STX8: variants seen among roughly 807,000 people sequenced by gnomAD.
The protein encoded by STX8 is syntaxin-8.
In STX8, 23 loss-of-function variants were observed where a neutral mutation model predicts 37.5. The observed-to-expected ratio is 0.61, with a 90% confidence interval of 0.44 to 0.87. The LOEUF (loss-of-function observed/expected upper bound fraction) is 0.87, where lower values mean the gene tolerates loss of function less well. Among genes scored for constraint, STX8 ranks in the 40% least tolerant of loss-of-function variants. The pLI, the probability that STX8 is intolerant of heterozygous loss-of-function variation, is 0.00. For synonymous variants in STX8, 115 were observed against 99.1 expected, an observed-to-expected ratio of 1.16 and a Z score of -0.95; for missense variants, 313 against 284.7, an observed-to-expected ratio of 1.10 and a Z score of -0.71.
At chr17:9,255,587 T>A (rs1237437213) in intron 7 of STX8, among the ~76,000 whole-genome samples, 2 of 148,494 alleles carry the variant, frequency 1.3e-5, no homozygotes, top group African/African-American at 4.9e-5. Flanking sequence ...AATAAATAAA[T>A]GAAAATGAAC....
At chr17:9,485,388 G>A (rs546625930) in intron 6 of STX8, among the ~76,000 whole-genome samples, 1 of 152,168 alleles carries the variant, frequency 6.6e-6, no homozygotes, top group South Asian at 2.1e-4. Flanking sequence ...CATAGGGCCT[G>A]GCTTCTATGA....
chr17:9,320,465 T>TA (rs1490247708), intron 7 of STX8, among the ~76,000 whole-genome samples: 1 of 152,184 alleles, frequency 6.6e-6, no homozygotes, highest in Non-Finnish European at 1.5e-5. Flanking sequence ...ATTTGGGAAT[T>TA]ACAGGGAGGG....
At chr17:9,352,351 G>A (rs1014016532) in intron 7 of STX8, among the ~76,000 whole-genome samples, 1 of 151,378 alleles carries the variant, frequency 6.6e-6, no homozygotes, top group African/African-American at 2.4e-5. Context: ...TTTTGGCATT[G>A]ATGGTCAATC....
chr17:9,307,665 C>CTTAG (rs1252037692), intron 7 of STX8, among the ~76,000 whole-genome samples: 1 of 152,004 alleles, frequency 6.6e-6, no homozygotes, highest in African/African-American at 2.4e-5. Context: ...CTTAGGTGCC[C>CTTAG]GTCAGGGATC....
intron 6 of STX8, among the ~76,000 whole-genome samples, chr17:9,417,099 C>T (rs1314402961): frequency 6.6e-6 from 1 of 152,070 alleles, no homozygotes; most frequent in Admixed American, 6.6e-5. Flanking sequence ...TTACTTAGGC[C>T]CCTGCCCACC....
At chr17:9,407,467 CTG>C in intron 6 of STX8, among the ~76,000 whole-genome samples, 1 of 152,268 alleles carries the variant, frequency 6.6e-6, no homozygotes. Context: ...GAGTCAAACT[CTG>C]TAAAATATTT....
At chr17:9,340,392 T>C (rs1910305875) in intron 7 of STX8, among the ~76,000 whole-genome samples, 1 of 152,298 alleles carries the variant, frequency 6.6e-6, no homozygotes. Context: ...TTTCACAAAA[T>C]GAAAATTAGA....
intron 6 of STX8, among the ~76,000 whole-genome samples, chr17:9,454,085 C>A (rs1240217688): frequency 1.3e-5 from 2 of 152,164 alleles, no homozygotes; most frequent in African/African-American, 2.4e-5. Context: ...ATATATACAT[C>A]ATTAAATAAA....
chr17:9,351,175 T>TC (rs1173665733), intron 7 of STX8, among the ~76,000 whole-genome samples: 1 of 142,436 alleles, frequency 7.0e-6, no homozygotes, highest in Non-Finnish European at 1.5e-5. Flanking sequence ...GATTTCCTTG[T>TC]CTTTTTTTTT....
chr17:9,403,620 C>A (rs183722951), intron 6 of STX8, among the ~76,000 whole-genome samples: 246 of 152,114 alleles, frequency 1.6e-3, no homozygotes, highest in Non-Finnish European at 2.3e-3. Flanking sequence ...GGTGCCGACA[C>A]CCAGCAAAGT....
intron 7 of STX8, among the ~76,000 whole-genome samples, chr17:9,365,165 AT>A (rs1016275808): frequency 4.1e-4 from 63 of 152,248 alleles, no homozygotes; most frequent in East Asian, 1.5e-3. Context: ...CCCACATGGT[AT>A]TTTTTTTATG....
intron 2 of STX8, among the ~76,000 whole-genome samples, chr17:9,564,803 C>T (rs903528945): frequency 5.9e-5 from 9 of 152,216 alleles, no homozygotes; most frequent in African/African-American, 1.7e-4. Context: ...AGATTCAATG[C>T]CATTCCTATT....
intron 7 of STX8, among the ~76,000 whole-genome samples, chr17:9,254,691 C>A (rs530970784): frequency 6.6e-6 from 1 of 152,188 alleles, no homozygotes; most frequent in Admixed American, 6.5e-5. Flanking sequence ...CCACCGCGCC[C>A]GGCCTTGAAT....
intron 6 of STX8, among the ~76,000 whole-genome samples, chr17:9,416,579 G>A (rs1913205805): frequency 6.6e-6 from 1 of 151,184 alleles, no homozygotes; most frequent in African/African-American, 2.4e-5. Context: ...ATCTTGGCCA[G>A]GCTGGCCTTG....
intron 6 of STX8, among the ~76,000 whole-genome samples, chr17:9,466,661 A>G (rs976868232): frequency 6.6e-6 from 1 of 152,166 alleles, no homozygotes; most frequent in Non-Finnish European, 1.5e-5. Context: ...ATTCATTTCC[A>G]ATATCAAAAG....
intron 4 of STX8, among the ~76,000 whole-genome samples, chr17:9,521,126 C>A (rs1480567680): frequency 6.6e-6 from 1 of 152,146 alleles, no homozygotes; most frequent in Non-Finnish European, 1.5e-5. Context: ...GAAATAGATT[C>A]TTTGACAGAA....
intron 4 of STX8, among the ~76,000 whole-genome samples, chr17:9,513,986 G>A (rs1057394420): frequency 2.6e-5 from 4 of 152,172 alleles, no homozygotes; most frequent in African/African-American, 9.7e-5. Flanking sequence ...TGATCTCATA[G>A]AAGTAAAAAG....
At position 9,262,583 on chromosome 17, in the gene STX8, TG is replaced by T. The variant is rs1158834489; in HGVS notation, c.644-11939del. Among the ~76,000 whole-genome samples the T allele has an allele frequency of 2.2e-3, 311 of 143,496 alleles. 2 individuals are homozygous for T. Among genetic ancestry groups the T allele is most frequent in the African/African-American group, 8.2e-3 (285 of 34,628 alleles). 94.1% of individuals were successfully genotyped at this position (143,496 alleles called of 152,430 possible). On this transcript the variant is annotated intron_variant, in intron 7 of 7. Transcript: ENST00000306357. ...GTTTTTTGTTTTTTTTGTTTTGTTT[TG>T]TTTTTTTGTTTTTTTTGAGACAGAG...
intron 7 of STX8, among the ~76,000 whole-genome samples, chr17:9,363,536 A>G (rs1911133123): frequency 6.6e-6 from 1 of 152,166 alleles, no homozygotes; most frequent in Non-Finnish European, 1.5e-5. Flanking sequence ...GTACTTCTAA[A>G]CCCAGCCCTC....
Sources: gnomAD v4.1 joint callset for allele counts (sites outside exome capture counted in the v4.1 genomes callset) on GRCh38, gnomAD v4.1.1 for gene constraint, MANE v1.5 for transcripts, NCBI Gene and HGNC (gene_info 2026-07-23, HGNC 2026-07-21) for gene names.